ANKRD44: variants seen among roughly 807,000 people sequenced by gnomAD.
ANKRD44 encodes the protein serine/threonine-protein phosphatase 6 regulatory ankyrin repeat subunit B.
In ANKRD44, 35 loss-of-function variants were observed where a neutral mutation model predicts 116.0. That is an observed-to-expected ratio of 0.30 (90% confidence interval 0.23 to 0.40). The LOEUF is 0.40. Ranked by LOEUF, ANKRD44 falls within the 10% of genes least tolerant of loss-of-function variation. ANKRD44 has a pLI of 1.00. For missense variants in ANKRD44, 1,014 were observed against 1,242.6 expected, an observed-to-expected ratio of 0.82 and a Z score of 2.77; for synonymous variants, 435 against 461.8, an observed-to-expected ratio of 0.94 and a Z score of 0.74.
chr2:197,078,211 C>A, intron 16 of ANKRD44: 1 of 157,804 alleles, frequency 6.3e-6, no homozygotes, highest in Admixed American at 6.1e-5. Context: ...TTAAAGACAG[C>A]TGTGTCTTAA....
chr2:197,106,846 A>C (rs1263851282), intron 9 of ANKRD44, among the ~76,000 whole-genome samples: 1 of 150,788 alleles, frequency 6.6e-6, no homozygotes, highest in East Asian at 1.9e-4. Context: ...TTAGTGGAAA[A>C]ATAAAAGACA....
Position 197,005,837 on chromosome 2 carries a change from C to G in ANKRD44, c.2204G>C (p.Arg735Thr). Residue 735 changes from arginine (R) to threonine (T), a missense_variant, in exon 21 of 28, where the codon AGA (arginine) becomes ACA (threonine). By Grantham distance (71) the Arg-to-Thr change is moderately conservative. Coordinates refer to ENST00000282272, the MANE Select transcript of ANKRD44 (RefSeq NM_001195144.2). ...QEVSILCKDS[R>T]GRTPLHYAAA... ...TGCATAGTGCAAGGGCGTCCTCCCT[C>G]TGGAATCTTTACAGAGAATTGACAC... The G allele has an allele frequency of 6.2e-7, 1 of 1,614,286 alleles. No individual in the cohort carries two copies. Among genetic ancestry groups the G allele is most frequent in the Non-Finnish European group, 8.5e-7 (1 of 1,180,050 alleles).
intron 21 of ANKRD44, among the ~76,000 whole-genome samples, chr2:196,972,706 G>T (rs186122781): frequency 5.4e-4 from 83 of 152,296 alleles, no homozygotes; most frequent in Admixed American, 5.4e-3. Flanking sequence ...ACTAGTCGGT[G>T]TCTCTTTTGA....
Position 197,278,419 on chromosome 2 carries a change from T to C in ANKRD44, c.27+32159A>G, listed in dbSNP as rs986585391. ...TCGCCCAGGCTGGAGTGCAGTGGTGTGATCTCGGCTCACTGCAACCTCCAC... is the reference window on the plus strand; with the variant it reads ...TCGCCCAGGCTGGAGTGCAGTGGTGCGATCTCGGCTCACTGCAACCTCCAC... On this transcript the variant is annotated intron_variant, in intron 1 of 27. Coordinates refer to ENST00000282272, the MANE Select transcript of ANKRD44 (RefSeq NM_001195144.2). 7.6e-4 allele frequency among the ~76,000 whole-genome samples: 115 copies of C among 151,670 alleles called. 1 individual carries two copies. The highest frequency in any genetic ancestry group is 5.9e-3 in the Admixed American group (90 of 15,244).
intron 16 of ANKRD44, among the ~76,000 whole-genome samples, chr2:197,049,700 T>C (rs1043692511): frequency 5.9e-5 from 9 of 152,140 alleles, no homozygotes; most frequent in Non-Finnish European, 1.2e-4. Context: ...CAGGCTGGAC[T>C]TGAACTCCTG....
At chr2:197,064,138 A>G (rs1020329869) in intron 16 of ANKRD44, among the ~76,000 whole-genome samples, 1 of 152,190 alleles carries the variant, frequency 6.6e-6, no homozygotes, top group Non-Finnish European at 1.5e-5. Context: ...GAAAGTGGGG[A>G]CCAATATTCA....
intron 1 of ANKRD44, among the ~76,000 whole-genome samples, chr2:197,207,637 C>T (rs2081237268): frequency 6.6e-6 from 1 of 152,188 alleles, no homozygotes; most frequent in African/African-American, 2.4e-5. Context: ...CTCGTTTCTT[C>T]CTTTGCCATG....
At chr2:197,128,325 A>G (rs940310442) in intron 4 of ANKRD44, among the ~76,000 whole-genome samples, 2 of 152,114 alleles carry the variant, frequency 1.3e-5, no homozygotes, top group Non-Finnish European at 2.9e-5. Context: ...CATTCTAATA[A>G]CTGCCATTCT....
chr2:197,131,397 TA>T (rs1388626272), intron 4 of ANKRD44, among the ~76,000 whole-genome samples: 1 of 151,930 alleles, frequency 6.6e-6, no homozygotes, highest in Non-Finnish European at 1.5e-5. Flanking sequence ...TTCACCATGT[TA>T]GCCAGGATGG....
At chr2:197,293,896 G>A (rs1192755304) in intron 1 of ANKRD44, among the ~76,000 whole-genome samples, 1 of 152,192 alleles carries the variant, frequency 6.6e-6, no homozygotes, top group Admixed American at 6.5e-5. Context: ...TTCTATCACA[G>A]GGTGTTTATA....
At chr2:197,287,790 C>T (rs1163552964) in intron 1 of ANKRD44, among the ~76,000 whole-genome samples, 1 of 151,816 alleles carries the variant, frequency 6.6e-6, no homozygotes, top group Non-Finnish European at 1.5e-5. Context: ...GAGGCCGAGG[C>T]GGGCATATCA....
intron 1 of ANKRD44, among the ~76,000 whole-genome samples, chr2:197,271,086 T>G (rs1173363859): frequency 6.6e-6 from 1 of 152,174 alleles, no homozygotes; most frequent in African/African-American, 2.4e-5. Flanking sequence ...TTCTTAAAGA[T>G]TTTTTAACAA....
intron 1 of ANKRD44, among the ~76,000 whole-genome samples, chr2:197,306,433 T>G (rs571550636): frequency 6.6e-6 from 1 of 152,314 alleles, no homozygotes; most frequent in South Asian, 2.1e-4. Context: ...CATGATTCAC[T>G]GCAAAGGCCC....
intron 4 of ANKRD44, among the ~76,000 whole-genome samples, chr2:197,131,690 C>G (rs532259805): frequency 1.3e-3 from 193 of 152,300 alleles, no homozygotes; most frequent in Middle Eastern, 3.4e-3. Flanking sequence ...GCACCTGGGA[C>G]GGGCCAGCCA....
chr2:197,278,563 G>T (rs1363491330), intron 1 of ANKRD44, among the ~76,000 whole-genome samples: 1 of 152,146 alleles, frequency 6.6e-6, no homozygotes, highest in Admixed American at 6.5e-5. Context: ...CACCATGCTG[G>T]TCTCAAACTG....
chr2:197,013,537 G>C lies in ANKRD44; in HGVS notation c.1898C>G (p.Thr633Ser). The part of the protein sequence containing the change: ...GASIFVKDNV[T>S]KRTPLHASVI... ...TGAGGCATGAAGTGGGGTTCTTTTG[G>C]TTACATTGTCTTTCACAAAGATGGA... The change falls in exon 18 of 28, where the codon ACC becomes AGC. Residue 633 changes from threonine to serine, a missense_variant. Transcript: ENST00000282272. 6.2e-7 allele frequency: 1 copy of C among 1,614,210 alleles called. No individual in the cohort carries two copies.
Position 196,976,727 on chromosome 2 carries a change from C to T in ANKRD44, c.2369-9281G>A, listed in dbSNP as rs142603489. 3.6e-3 allele frequency among the ~76,000 whole-genome samples: 550 copies of T among 152,084 alleles called. 3 individuals are homozygous for T. Among genetic ancestry groups the T allele is most frequent in the African/African-American group, 0.012 (497 of 41,496 alleles). ...CAAAAAAATACAAAAATTAGCAGGG[C>T]GTGGTGGTGCACGCCTGTAGTCCCA... is the stretch of plus-strand genomic sequence containing the variant. On this transcript the variant is annotated intron_variant, in intron 21 of 21. Coordinates refer to the ANKRD44 transcript ENST00000424317.
chr2:196,981,212 T>A (rs1005043938), intron 21 of ANKRD44, among the ~76,000 whole-genome samples: 6 of 152,200 alleles, frequency 3.9e-5, no homozygotes, highest in African/African-American at 1.2e-4. Context: ...ACCTCCCTCA[T>A]GTTTTCACTT....
At chr2:197,112,582 C>A (rs1216681495) in intron 8 of ANKRD44, among the ~76,000 whole-genome samples, 1 of 151,888 alleles carries the variant, frequency 6.6e-6, no homozygotes, top group Non-Finnish European at 1.5e-5. Flanking sequence ...GGTGGCGGGG[C>A]CTGTAGTCCT....
Sources: gnomAD v4.1 joint callset for allele counts (sites outside exome capture counted in the v4.1 genomes callset) on GRCh38, gnomAD v4.1.1 for gene constraint, MANE v1.5 for transcripts, NCBI Gene and HGNC (gene_info 2026-07-23, HGNC 2026-07-21) for gene names.